Variants in ADGRG7 observed in about 807,000 individuals in gnomAD.
ADGRG7 encodes the protein adhesion G protein-coupled receptor G7, also known as G-protein coupled receptor 128.
ADGRG7 carries 82 observed loss-of-function variants against 88.6 expected under a neutral mutation model. That is an observed-to-expected ratio of 0.93 (90% CI 0.77 to 1.11). The LOEUF (loss-of-function observed/expected upper bound fraction) is 1.11. Among genes scored for constraint, ADGRG7 ranks in the 50% most tolerant of loss-of-function variants. The pLI is 0.00. For missense variants in ADGRG7, 945 were observed against 953.4 expected, an observed-to-expected ratio of 0.99 and a Z score of 0.12; for synonymous variants, 381 against 345.2, an observed-to-expected ratio of 1.10 and a Z score of -1.15.
At chr3:100,618,344 T>C (rs1190638238) in intron 1 of ADGRG7, among the ~76,000 whole-genome samples, 2 of 152,198 alleles carry the variant, frequency 1.3e-5, no homozygotes, top group Non-Finnish European at 2.9e-5. Context: ...GTTTTTATGG[T>C]TTTAGGTCTA....
chr3:100,682,731 C>T (rs1234551424), intron 15 of ADGRG7, among the ~76,000 whole-genome samples: 1 of 152,194 alleles, frequency 6.6e-6, no homozygotes, highest in Admixed American at 6.5e-5. Flanking sequence ...GCTCCCACTC[C>T]AGGCTGTGAG....
At chr3:100,648,189 T>G (rs1214864093) in intron 10 of ADGRG7, among the ~76,000 whole-genome samples, 1 of 152,178 alleles carries the variant, frequency 6.6e-6, no homozygotes, top group East Asian at 1.9e-4. Context: ...ATCTTTTCCC[T>G]TTCTTGAGGT....
intron 8 of ADGRG7, among the ~76,000 whole-genome samples, chr3:100,645,668 C>A (rs1707731751): frequency 6.6e-6 from 1 of 151,906 alleles, no homozygotes; most frequent in Non-Finnish European, 1.5e-5. Context: ...TTTGCAATAC[C>A]TTTTTGAGGT....
intron 11 of ADGRG7, chr3:100,654,415 C>G (rs564669773): frequency 6.3e-6 from 1 of 158,118 alleles, no homozygotes; most frequent in Admixed American, 6.2e-5. Flanking sequence ...GAACACTAAG[C>G]ACTATTGTGT....
intron 1 of ADGRG7, 110 bp downstream of exon 1, chr3:100,610,081 C>A: frequency 1.3e-6 from 1 of 798,052 alleles, no homozygotes; most frequent in Non-Finnish European, 2.1e-6. Context: ...CTGAGGCATT[C>A]CACCAAGGTG....
intron 15 of ADGRG7, among the ~76,000 whole-genome samples, chr3:100,692,627 C>T (rs890324837): frequency 3.9e-5 from 6 of 152,126 alleles, no homozygotes; most frequent in Non-Finnish European, 8.8e-5. Context: ...AGTCAGGAAA[C>T]TTAGGCTGTT....
chr3:100,660,269 A>G (rs1201536671), intron 14 of ADGRG7, among the ~76,000 whole-genome samples: 1 of 152,172 alleles, frequency 6.6e-6, no homozygotes, highest in African/African-American at 2.4e-5. Flanking sequence ...GTGTTGCTTG[A>G]ATTACACAAT....
intron 13 of ADGRG7, 70 bp downstream of exon 13, chr3:100,656,065 C>G: frequency 1.2e-6 from 1 of 849,244 alleles, no homozygotes; most frequent in Non-Finnish European, 2.0e-6. Flanking sequence ...ATATTGACTC[C>G]GAGTGTCACT....
intron 4 of ADGRG7, 90 bp downstream of exon 4, chr3:100,633,467 T>C (rs1334622793): frequency 5.3e-6 from 3 of 564,222 alleles, no homozygotes; most frequent in African/African-American, 3.9e-5. Flanking sequence ...TCAAATCAAT[T>C]CTTTTAAAAC....
intron 15 of ADGRG7, among the ~76,000 whole-genome samples, chr3:100,689,846 A>G (rs565619870): frequency 7.2e-4 from 109 of 152,074 alleles, no homozygotes; most frequent in African/African-American, 2.6e-3. Flanking sequence ...TTTGACCATT[A>G]TGTGTCTTGG....
At chr3:100,646,463 T>C in intron 9 of ADGRG7, 106 bp from the exon 10 acceptor site, 1 of 827,912 alleles carries the variant, frequency 1.2e-6, no homozygotes, top group Non-Finnish European at 1.9e-6. Flanking sequence ...TGATGCTTAG[T>C]ATATATTTAA....
intron 15 of ADGRG7, among the ~76,000 whole-genome samples, chr3:100,687,118 A>G (rs1056956072): frequency 8.5e-5 from 13 of 152,130 alleles, no homozygotes; most frequent in African/African-American, 3.1e-4. Context: ...TTAGATTCCT[A>G]GGTATTTTAT....
intron 1 of ADGRG7, among the ~76,000 whole-genome samples, chr3:100,615,444 G>T (rs1276388486): frequency 1.3e-5 from 2 of 152,166 alleles, no homozygotes; most frequent in African/African-American, 4.8e-5. Flanking sequence ...TGTGACAGAG[G>T]AATTGTTAGT....
chr3:100,609,925 C>A lies in ADGRG7; in HGVS notation c.69C>A (p.Ile23=), dbSNP rs377643251. The A allele has an allele frequency of 7.4e-6, 12 of 1,613,764 alleles. No homozygotes were observed. Among genetic ancestry groups the A allele is most frequent in the African/African-American group, 5.3e-5 (4 of 74,916 alleles). ...VAVVCGLLTG[I]ILGLGIWRIV... is the part of the protein sequence containing the mutation. ...TCGTGTGTGGACTACTGACTGGCAT[C>A]ATTTTGGGACTGGGCATCTGGAGGA... The change falls in exon 1 of 16, where the codon ATC becomes ATA. Residue 23 remains isoleucine, a synonymous_variant. Transcript: ENST00000273352.
intron 1 of ADGRG7, among the ~76,000 whole-genome samples, chr3:100,616,219 T>C (rs1327930642): frequency 6.6e-6 from 1 of 151,998 alleles, no homozygotes; most frequent in Non-Finnish European, 1.5e-5. Flanking sequence ...GGAAGAATAA[T>C]AAATAAGACA....
chr3:100,634,292 T>G (rs930836352), intron 4 of ADGRG7, among the ~76,000 whole-genome samples: 1 of 152,218 alleles, frequency 6.6e-6, no homozygotes, highest in African/African-American at 2.4e-5. Context: ...CATTTAATCC[T>G]TATAAAACTT....
chr3:100,643,298 C>T lies in ADGRG7; in HGVS notation c.731C>T (p.Ser244Phe). 2.5e-6 allele frequency: 4 copies of T among 1,613,778 alleles called. No homozygotes were observed. The highest frequency in any genetic ancestry group is 3.4e-6 in the Non-Finnish European group (4 of 1,179,844). The change falls in exon 7 of 16, where the codon TCT (serine) becomes TTT (phenylalanine). Residue 244 changes from serine to phenylalanine, a missense_variant. Physicochemically the swap from Ser to Phe is radical, Grantham distance 155. Coordinates refer to ENST00000273352, the MANE Select transcript of ADGRG7 (RefSeq NM_032787.3). ...LIEQMETYSL[S>F]LGNQSVVEPN... ...GAGCAAATGGAGACTTATTCCTTGT[C>T]TTTGGGTAATCAATCAGTGGTGGAA...
intron 1 of ADGRG7, among the ~76,000 whole-genome samples, chr3:100,629,267 CTCTATCTATCTATCTATCTATCTA>C (rs58092447): frequency 1.3e-5 from 2 of 149,032 alleles, no homozygotes; most frequent in African/African-American, 2.5e-5. Flanking sequence ...TCCATGTTGA[CTCTATCTATCTATCTATCTATCTA>C]TCTATCTATC....
At chr3:100,683,144 C>T (rs1463360303) in intron 15 of ADGRG7, among the ~76,000 whole-genome samples, 1 of 152,188 alleles carries the variant, frequency 6.6e-6, no homozygotes, top group Non-Finnish European at 1.5e-5. Context: ...CTCAGTAAAG[C>T]TCCTTTTCGT....
Sources: gnomAD v4.1 joint callset for allele counts (sites outside exome capture counted in the v4.1 genomes callset) on GRCh38, gnomAD v4.1.1 for gene constraint, MANE v1.5 for transcripts, NCBI Gene and HGNC (gene_info 2026-07-23, HGNC 2026-07-21) for gene names.